ERICH6B: variants seen among roughly 807,000 people sequenced by gnomAD.
The protein encoded by ERICH6B is glutamate-rich protein 6B.
Under a neutral mutation model 80.0 loss-of-function variants are expected in ERICH6B, and 69 were observed. That is an observed-to-expected ratio of 0.86 (90% CI 0.71 to 1.05). ERICH6B has a LOEUF of 1.05. Ranked by LOEUF, ERICH6B falls within the 50% of genes least tolerant of loss-of-function variation. The pLI, the probability that ERICH6B is intolerant of heterozygous loss-of-function variation, is 0.00. For synonymous variants in ERICH6B, 283 were observed against 291.9 expected, an observed-to-expected ratio of 0.97 and a Z score of 0.31; for missense variants, 754 against 796.1, an observed-to-expected ratio of 0.95 and a Z score of 0.64.
At chr13:45,553,791 C>T (rs985468948) in intron 11 of ERICH6B, among the ~76,000 whole-genome samples, 3 of 152,064 alleles carry the variant, frequency 2.0e-5, no homozygotes, top group African/African-American at 7.2e-5. Flanking sequence ...CAAAGCACTG[C>T]TTTTTTCTTT....
At chr13:45,546,439 C>A (rs897016401) in intron 13 of ERICH6B, among the ~76,000 whole-genome samples, 1 of 152,178 alleles carries the variant, frequency 6.6e-6, no homozygotes, top group Non-Finnish European at 1.5e-5. Flanking sequence ...CAGGGTGTGG[C>A]GATGTACTAC....
chr13:45,583,599 C>T (rs1875763506), intron 5 of ERICH6B, among the ~76,000 whole-genome samples: 1 of 152,150 alleles, frequency 6.6e-6, no homozygotes, highest in Admixed American at 6.5e-5. Flanking sequence ...AATTGTAGCT[C>T]TTGTAATTCC....
At chr13:45,603,863 G>A (rs1949841054) in intron 2 of ERICH6B, among the ~76,000 whole-genome samples, 2 of 152,218 alleles carry the variant, frequency 1.3e-5, no homozygotes, top group South Asian at 4.1e-4. Flanking sequence ...TAAGTTCCCT[G>A]GGAGCAGGGA....
At chr13:45,578,975 G>C (rs1339912013) in intron 7 of ERICH6B, among the ~76,000 whole-genome samples, 2 of 152,202 alleles carry the variant, frequency 1.3e-5, no homozygotes, top group Non-Finnish European at 2.9e-5. Context: ...ACTTGAACCT[G>C]GGAGGTGGAG....
At position 45,596,520 on chromosome 13, in the gene ERICH6B, C is replaced by A. The variant is rs374513715; in HGVS notation, c.486G>T (p.Ala162=). Residue 162 remains alanine (A), a synonymous_variant, in exon 3 of 15, where the codon GCG becomes GCT. Transcript: ENST00000298738. ...CCAGATACTCCTCCTCCTCCAGATA[C>A]GCTTTCTTCCCCAGATAATCTACCT... ...IEEVDYLGKK[A]YLEEEEYLGK... 6.4e-7 allele frequency: 1 copy of A among 1,551,866 alleles called. No individual in the cohort carries two copies. Among genetic ancestry groups the A allele is most frequent in the African/African-American group, 1.4e-5 (1 of 72,980 alleles).
In ERICH6B at chr13:45,596,868, T is replaced by C; in HGVS notation, c.138A>G (p.Glu46=). 1.3e-6 allele frequency: 2 copies of C among 1,551,854 alleles called. No individual in the cohort carries two copies. The highest frequency in any genetic ancestry group is 1.4e-5 in the African/African-American group (1 of 73,182). The change falls in exon 3 of 15, where the codon GAA becomes GAG. Residue 46 remains glutamate, a synonymous_variant. Coordinates refer to ENST00000298738, the MANE Select transcript of ERICH6B (RefSeq NM_182542.3). ...ACTCTCCCTCTGGAGAAAATGGAGA[T>C]TCATCCTGTAGACTTTCCTCATCTA... ...VELDEESLQD[E]SPFSPEGESL...
At chr13:45,570,524 C>T (rs1875109418) in intron 8 of ERICH6B, among the ~76,000 whole-genome samples, 1 of 152,234 alleles carries the variant, frequency 6.6e-6, no homozygotes, top group Non-Finnish European at 1.5e-5. Flanking sequence ...GATAGACCCC[C>T]TCCAAATAGG....
intron 9 of ERICH6B, among the ~76,000 whole-genome samples, chr13:45,566,078 C>T (rs1874898951): frequency 6.6e-6 from 1 of 152,192 alleles, no homozygotes; most frequent in Non-Finnish European, 1.5e-5. Flanking sequence ...AGCAAAGAGA[C>T]TGGCAGCATT....
intron 11 of ERICH6B, 116 bp downstream of exon 11, chr13:45,561,253 T>G: frequency 9.5e-7 from 1 of 1,054,452 alleles, no homozygotes; most frequent in Non-Finnish European, 1.3e-6. Flanking sequence ...TGGATGCATT[T>G]TTGTGTTTAC....
At chr13:45,602,637 G>A (rs566672166) in intron 2 of ERICH6B, among the ~76,000 whole-genome samples, 3 of 152,276 alleles carry the variant, frequency 2.0e-5, no homozygotes, top group South Asian at 4.1e-4. Flanking sequence ...TCTAACAGAC[G>A]TCTCAAACTC....
intron 2 of ERICH6B, among the ~76,000 whole-genome samples, chr13:45,600,548 C>G (rs1039780547): frequency 1.3e-5 from 2 of 152,178 alleles, no homozygotes; most frequent in Admixed American, 1.3e-4. Context: ...TCTTTTGAGT[C>G]TCCATCGTCT....
intron 8 of ERICH6B, among the ~76,000 whole-genome samples, chr13:45,571,804 T>C (rs554835630): frequency 1.4e-3 from 216 of 152,160 alleles, no homozygotes; most frequent in Non-Finnish European, 2.6e-3. Flanking sequence ...AATGTGGACA[T>C]AGAGACATGC....
chr13:45,549,150 G>A (rs1025421988), intron 13 of ERICH6B, among the ~76,000 whole-genome samples: 4 of 152,056 alleles, frequency 2.6e-5, no homozygotes, highest in African/African-American at 9.7e-5. Context: ...TGGGCTTGGC[G>A]GTGCATGCCT....
chr13:45,566,575 T>C (rs1029455162), intron 9 of ERICH6B, among the ~76,000 whole-genome samples: 26 of 152,348 alleles, frequency 1.7e-4, no homozygotes, highest in African/African-American at 6.0e-4. Context: ...CTTCAGAGGG[T>C]GTAAACCCCA....
intron 2 of ERICH6B, among the ~76,000 whole-genome samples, chr13:45,605,190 G>T (rs997886215): frequency 6.6e-6 from 1 of 152,102 alleles, no homozygotes; most frequent in African/African-American, 2.4e-5. Context: ...TGGTCAGAGA[G>T]GTGCAGTGCC....
intron 11 of ERICH6B, among the ~76,000 whole-genome samples, chr13:45,558,322 C>T (rs1566288243): frequency 1.3e-5 from 2 of 152,154 alleles, no homozygotes; most frequent in South Asian, 4.1e-4. Flanking sequence ...TTTATCAGTT[C>T]TAGGAGCTTT....
intron 5 of ERICH6B, among the ~76,000 whole-genome samples, chr13:45,586,567 T>C (rs1875911979): frequency 1.3e-5 from 2 of 152,130 alleles, no homozygotes; most frequent in Admixed American, 6.5e-5. Flanking sequence ...ACTACATGGA[T>C]AGTTTTGGTG....
chr13:45,570,680 C>T (rs79379287), intron 8 of ERICH6B, among the ~76,000 whole-genome samples: 13,394 of 152,042 alleles, frequency 0.088, 1,000 homozygotes, highest in African/African-American at 0.2. Flanking sequence ...TTCCATGTGG[C>T]TTTTTGCCCC....
intron 14 of ERICH6B, among the ~76,000 whole-genome samples, chr13:45,544,466 C>T (rs1274399487): frequency 1.3e-5 from 2 of 152,192 alleles, no homozygotes; most frequent in African/African-American, 4.8e-5. Flanking sequence ...AAGGGATCCA[C>T]CTGTCTTGGC....
Sources: allele counts gnomAD v4.1 joint callset (sites outside exome capture counted in the v4.1 genomes callset), GRCh38; gene constraint gnomAD v4.1.1; transcripts MANE v1.5; gene names NCBI Gene and HGNC (gene_info 2026-07-23, HGNC 2026-07-21).